Variants in MAP3K20 observed in about 807,000 individuals in gnomAD.
MAP3K20 encodes HCCS-4.
In MAP3K20, 40 loss-of-function variants were observed where a neutral mutation model predicts 85.7. That is an observed-to-expected ratio of 0.47 (90% confidence interval 0.36 to 0.61). MAP3K20 has a LOEUF of 0.61. MAP3K20 is among the 20% of genes least tolerant of loss of function. MAP3K20 has a pLI of 0.00. For synonymous variants in MAP3K20, 325 were observed against 327.7 expected (o/e 0.99, Z 0.09); for missense variants, 817 against 961.7 (o/e 0.85, Z 1.99).
intron 14 of MAP3K20, among the ~76,000 whole-genome samples, chr2:173,236,453 G>T (rs1327496372): frequency 6.6e-6 from 1 of 152,108 alleles, no homozygotes; most frequent in Non-Finnish European, 1.5e-5. Flanking sequence ...TCTGCAGAGG[G>T]TCTGCCCAGA....
chr2:173,101,644 T>A (rs1320170800), intron 2 of MAP3K20, among the ~76,000 whole-genome samples: 6 of 152,166 alleles, frequency 3.9e-5, no homozygotes, highest in Admixed American at 6.5e-5. Flanking sequence ...AAGCCTAATA[T>A]AGAGAATTGA....
chr2:173,136,131 T>G (rs975742265), intron 2 of MAP3K20, among the ~76,000 whole-genome samples: 1 of 152,216 alleles, frequency 6.6e-6, no homozygotes, highest in African/African-American at 2.4e-5. Flanking sequence ...AAGCAGCATG[T>G]GCCACCTTGT....
In MAP3K20 at chr2:173,097,119, G is replaced by A. The variant is rs149210393; in HGVS notation, c.159+5929G>A. ...TAATTGGCCTAGTGCAGTGGCTCAC[G>A]CCTGTAATCCCAACAATTTGGGAGG... On this transcript the variant is annotated intron_variant, in intron 2 of 19. Transcript: ENST00000375213. 4.7e-3 allele frequency among the ~76,000 whole-genome samples: 714 copies of A among 152,316 alleles called. 7 individuals carry two copies. Among genetic ancestry groups the A allele is most frequent in the African/African-American group, 0.016 (678 of 41,568 alleles).
intron 14 of MAP3K20, among the ~76,000 whole-genome samples, chr2:173,237,987 C>CA (rs1684693685): frequency 1.3e-5 from 2 of 152,032 alleles, no homozygotes; most frequent in Non-Finnish European, 2.9e-5. Flanking sequence ...CCCATCTCTA[C>CA]AAAAAATAAA....
chr2:173,262,605 G>GAAA (rs199907423), intron 18 of MAP3K20, among the ~76,000 whole-genome samples: 1 of 140,818 alleles, frequency 7.1e-6, no homozygotes, highest in African/African-American at 2.6e-5. Flanking sequence ...TCTCAAAAAA[G>GAAA]AAAAAAAAAA....
Position 173,257,967 on chromosome 2 carries a change from G to A in MAP3K20, c.1360-732G>A, listed in dbSNP as rs116134455. On this transcript the variant is annotated intron_variant, in intron 16 of 19. Coordinates refer to ENST00000375213, the MANE Select transcript of MAP3K20 (RefSeq NM_016653.3). ...TTAAAAATTTAATTAACATACTATCGTTTAAAAATCTAGAGTTTTACATAA... is the reference window on the plus strand; with the variant it reads ...TTAAAAATTTAATTAACATACTATCATTTAAAAATCTAGAGTTTTACATAA... Among the ~76,000 whole-genome samples, 790 of 152,116 alleles carry A rather than the reference G, an allele frequency of 5.2e-3. 11 individuals carry two copies. The highest frequency in any genetic ancestry group is 0.018 in the African/African-American group (746 of 41,494).
At chr2:173,181,048 C>G (rs1474307359) in intron 3 of MAP3K20, among the ~76,000 whole-genome samples, 1 of 152,018 alleles carries the variant, frequency 6.6e-6, no homozygotes, top group Non-Finnish European at 1.5e-5. Flanking sequence ...AATAAAACAA[C>G]CCAGTGTAAA....
rs762427042 is a variant in MAP3K20 at position 173,217,199 on chromosome 2, A to C, written c.936A>C (p.Glu312Asp). The C allele has an allele frequency of 1.2e-6, 2 of 1,604,702 alleles. No individual in the cohort carries two copies. The highest frequency in any genetic ancestry group is 1.7e-6 in the Non-Finnish European group (2 of 1,175,156). Residue 312 changes from glutamate (E) to aspartate (D), a missense_variant, in exon 11 of 20, where the codon GAA (glutamate) becomes GAC (aspartate). Transcript: ENST00000375213. ...SFKEQELKER[E>D]RRLKMWEQKL... ...AGGAGCAGGAGCTTAAAGAACGAGA[A>C]AGACGTTTAAAGATGTGGGAGCAAA... is the stretch of plus-strand genomic sequence containing the variant.
intron 11 of MAP3K20, chr2:173,226,311 A>AG (rs1684386469): frequency 1.0e-6 from 1 of 984,888 alleles, no homozygotes; most frequent in African/African-American, 1.7e-5. Context: ...TTTAAAACTT[A>AG]TTCTGAGTTA....
intron 9 of MAP3K20, among the ~76,000 whole-genome samples, chr2:173,207,083 G>A (rs1022504195): frequency 6.6e-6 from 1 of 151,892 alleles, no homozygotes; most frequent in African/African-American, 2.4e-5. Flanking sequence ...TTAGGTAAAT[G>A]TCAAGTCCTT....
intron 2 of MAP3K20, among the ~76,000 whole-genome samples, chr2:173,158,120 C>T (rs1340384929): frequency 2.6e-5 from 4 of 152,228 alleles, no homozygotes; most frequent in Admixed American, 1.3e-4. Context: ...AGGTTTCTTC[C>T]CCTGTGAAAG....
intron 9 of MAP3K20, among the ~76,000 whole-genome samples, chr2:173,209,454 C>G (rs1574113177): frequency 6.6e-6 from 1 of 152,244 alleles, no homozygotes; most frequent in South Asian, 2.1e-4. Flanking sequence ...TTCTCCCTTC[C>G]TGGACAAAAA....
chr2:173,135,293 A>T (rs572238193), intron 2 of MAP3K20, among the ~76,000 whole-genome samples: 1 of 152,366 alleles, frequency 6.6e-6, no homozygotes, highest in African/African-American at 2.4e-5. Context: ...TTTAGGTAGC[A>T]TCTGATTCAC....
At chr2:173,177,993 TAAAACAG>T in intron 3 of MAP3K20, among the ~76,000 whole-genome samples, 1 of 152,138 alleles carries the variant, frequency 6.6e-6, no homozygotes, top group East Asian at 1.9e-4. Flanking sequence ...CAGAGCTCAA[TAAAACAG>T]AAAACAGAAA....
intron 2 of MAP3K20, among the ~76,000 whole-genome samples, chr2:173,097,632 A>C (rs900090065): frequency 6.6e-6 from 1 of 152,196 alleles, no homozygotes; most frequent in Non-Finnish European, 1.5e-5. Flanking sequence ...ATTTTAAAAG[A>C]AAAAGCATCC....
At chr2:173,248,566 G>A (rs1684974368) in intron 16 of MAP3K20, among the ~76,000 whole-genome samples, 1 of 152,224 alleles carries the variant, frequency 6.6e-6, no homozygotes, top group African/African-American at 2.4e-5. Flanking sequence ...TATAGAGCTA[G>A]AGAGCTAGAG....
Position 173,145,241 on chromosome 2 carries a change from C to T in MAP3K20, c.160-24564C>T, listed in dbSNP as rs573524558. 4.0e-5 allele frequency among the ~76,000 whole-genome samples: 6 copies of T among 150,964 alleles called. No homozygotes were observed. The East Asian group carries it at 5.8e-4, about 15-fold the overall frequency. ...CAGCCTGGGTGACAGAGCAAGACTC[C>T]GTCTCAAAAAAAAAGAAAAAAAAAT... is the stretch of plus-strand genomic sequence containing the variant. On this transcript the variant is annotated intron_variant, in intron 2 of 19. Transcript: ENST00000375213.
At chr2:173,225,170 G>A (rs546942288) in intron 11 of MAP3K20, 100 of 983,404 alleles carry the variant, frequency 1.0e-4, no homozygotes, top group Admixed American at 3.7e-4. Flanking sequence ...TGCTGTCACC[G>A]AATGGTGTTT....
At chr2:173,210,604 T>C (rs1160028209) in intron 10 of MAP3K20, 1 of 152,148 alleles carries the variant, frequency 6.6e-6, no homozygotes, top group African/African-American at 2.4e-5. Flanking sequence ...AATGAGAAAA[T>C]TGTATTGCAT....
Sources: gnomAD v4.1 joint callset for allele counts (sites outside exome capture counted in the v4.1 genomes callset) on GRCh38, gnomAD v4.1.1 for gene constraint, MANE v1.5 for transcripts, NCBI Gene and HGNC (gene_info 2026-07-23, HGNC 2026-07-21) for gene names.